The following RORB variants were observed in gnomAD, a reference collection of about 807,000 sequenced individuals.
RORB encodes the protein nuclear receptor ROR-beta.
RORB carries 6 observed loss-of-function variants against 59.1 expected under a neutral mutation model. That is an observed-to-expected ratio of 0.10 (90% CI 0.06 to 0.20). The LOEUF is 0.20. Among genes scored for constraint, RORB ranks in the 10% least tolerant of loss-of-function variants. The probability of loss-of-function intolerance (pLI) is 1.00; values close to 1 mark genes in which losing one functional copy is unlikely to be tolerated. For synonymous variants in RORB, 215 were observed against 204.5 expected, an observed-to-expected ratio of 1.05 and a Z score of -0.44; for missense variants, 320 against 560.5, an observed-to-expected ratio of 0.57 and a Z score of 4.33.
rs1222094002 is a variant in RORB at position 74,573,514 on chromosome 9, T to C, written c.8-56768T>C. 4.0e-5 allele frequency among the ~76,000 whole-genome samples: 6 copies of C among 150,350 alleles called. No individual in the cohort carries two copies. The East Asian group carries it at 9.8e-4, about 24-fold the overall frequency. ...GGCCTAATGATTGCAGCAAACAGCG[T>C]TGGGATTTTATTGATGTACTCTATG... is the stretch of plus-strand genomic sequence containing the variant. On this transcript the variant is annotated intron_variant, in intron 1 of 9. Coordinates refer to ENST00000376896, the MANE Select transcript of RORB (RefSeq NM_006914.4).
At chr9:74,510,868 T>C (rs1293562660) in intron 1 of RORB, among the ~76,000 whole-genome samples, 1 of 152,158 alleles carries the variant, frequency 6.6e-6, no homozygotes, top group Admixed American at 6.5e-5. Context: ...ATGAGTAGCA[T>C]CTTCACCTGT....
chr9:74,652,240 C>T lies in RORB; in HGVS notation c.638-8377C>T, dbSNP rs60978320. ...TGGCCAACATGGTGAAACTTCATCT[C>T]TACTAAAAGATACAAAAATTAGCCA... On this transcript the variant is annotated intron_variant, in intron 4 of 9. Coordinates refer to ENST00000376896, the MANE Select transcript of RORB (RefSeq NM_006914.4). 4.3e-3 allele frequency among the ~76,000 whole-genome samples: 659 copies of T among 152,260 alleles called. 5 individuals carry two copies. Among genetic ancestry groups the T allele is most frequent in the African/African-American group, 0.015 (640 of 41,548 alleles).
In RORB at chr9:74,524,219, G is replaced by A. The variant is rs183204402; in HGVS notation, c.7+26236G>A. On this transcript the variant is annotated intron_variant, in intron 1 of 9. Coordinates refer to ENST00000376896, the MANE Select transcript of RORB (RefSeq NM_006914.4). ...AGACTTAGTTTGTCCTGGATGGCAA[G>A]TGAAGAGAAGACTGTGGAAAGGCTT... 2.5e-3 allele frequency among the ~76,000 whole-genome samples: 386 copies of A among 151,834 alleles called. 2 individuals carry two copies. The highest frequency in any genetic ancestry group is 8.7e-3 in the African/African-American group (359 of 41,468).
At chr9:74,661,613 T>A (rs1485540600) in intron 5 of RORB, among the ~76,000 whole-genome samples, 1 of 151,336 alleles carries the variant, frequency 6.6e-6, no homozygotes, top group Admixed American at 6.6e-5. Flanking sequence ...ATGTAATGCC[T>A]TTTTCCTCGG....
intron 3 of RORB, among the ~76,000 whole-genome samples, chr9:74,635,694 CAT>C (rs1203550982): frequency 6.6e-6 from 1 of 152,146 alleles, no homozygotes; most frequent in Non-Finnish European, 1.5e-5. Flanking sequence ...GAGCCTAAGA[CAT>C]AGACAATGCC....
intron 1 of RORB, among the ~76,000 whole-genome samples, chr9:74,617,656 A>G (rs1823335171): frequency 1.3e-5 from 2 of 152,272 alleles, no homozygotes; most frequent in African/African-American, 4.8e-5. Context: ...TTGGGTGACT[A>G]AGCCTCCACC....
chr9:74,527,142 T>C (rs1826166688), intron 1 of RORB, among the ~76,000 whole-genome samples: 1 of 152,034 alleles, frequency 6.6e-6, no homozygotes, highest in East Asian at 1.9e-4. Context: ...GTTACTATAA[T>C]AGTAATACAT....
intron 1 of RORB, among the ~76,000 whole-genome samples, chr9:74,611,008 G>A (rs981631292): frequency 6.6e-6 from 1 of 150,416 alleles, no homozygotes; most frequent in African/African-American, 2.5e-5. Context: ...TTCTATTTGA[G>A]GGGATTTATC....
At chr9:74,565,344 G>T (rs942203020) in intron 1 of RORB, among the ~76,000 whole-genome samples, 9 of 152,050 alleles carry the variant, frequency 5.9e-5, no homozygotes, top group African/African-American at 1.7e-4. Context: ...TTTCTTCTTT[G>T]GTTTAACATC....
At chr9:74,506,785 C>A (rs1162455363) in intron 1 of RORB, among the ~76,000 whole-genome samples, 3 of 152,040 alleles carry the variant, frequency 2.0e-5, no homozygotes, top group African/African-American at 4.8e-5. Flanking sequence ...AGAGTCATAC[C>A]TTTTAAGTCC....
intron 1 of RORB, among the ~76,000 whole-genome samples, chr9:74,592,887 G>T (rs1456903145): frequency 1.3e-5 from 2 of 151,490 alleles, no homozygotes; most frequent in Non-Finnish European, 2.9e-5. Context: ...GCACACACAC[G>T]CACTATTCAG....
rs757211937 is a variant in RORB, at chr9:74,662,466, T to C, written c.760-8T>C. ...CCCTATTTACATTCTGTGTCTTCTC[T>C]CCTCAAGTCCAGGGAAGCACTGTGG... On this transcript the variant is annotated splice_region_variant and splice_polypyrimidine_tract_variant and intron_variant, in intron 5 of 9. Transcript: ENST00000376896. 2 of 1,613,826 alleles carry C rather than the reference T, an allele frequency of 1.2e-6. No individual in the cohort carries two copies. The highest frequency in any genetic ancestry group is 1.7e-5 in the Admixed American group (1 of 60,024).
chr9:74,685,427 C>G lies in RORB; in HGVS notation c.1225-36C>G, dbSNP rs369657514. ...CACAGACAGAGCACTAATGAGCTTC[C>G]CTCTCTATCTCCCTCTCTGTCTCTC... is the stretch of plus-strand genomic sequence containing the variant. On this transcript the variant is annotated intron_variant, in intron 9 of 9. Transcript: ENST00000376896. 3.0e-4 allele frequency: 465 copies of G among 1,552,756 alleles called. 1 individual carries two copies. Among genetic ancestry groups the G allele is most frequent in the Non-Finnish European group, 3.9e-4 (447 of 1,139,796 alleles).
intron 4 of RORB, among the ~76,000 whole-genome samples, chr9:74,649,564 G>C (rs1358388717): frequency 6.6e-6 from 1 of 152,084 alleles, no homozygotes; most frequent in Non-Finnish European, 1.5e-5. Flanking sequence ...AGGGTTATTT[G>C]AATCCATATC....
intron 1 of RORB, among the ~76,000 whole-genome samples, chr9:74,593,534 A>T (rs1291333907): frequency 5.9e-5 from 9 of 151,918 alleles, no homozygotes; most frequent in African/African-American, 2.2e-4. Context: ...AGCAAAGTTC[A>T]TTCCTAAAGC....
intron 1 of RORB, among the ~76,000 whole-genome samples, chr9:74,565,544 C>A (rs1228961978): frequency 6.6e-6 from 1 of 152,060 alleles, no homozygotes; most frequent in African/African-American, 2.4e-5. Context: ...GTTTTGTTTA[C>A]TTTTAATTTG....
intron 3 of RORB, among the ~76,000 whole-genome samples, chr9:74,637,243 A>G (rs1587398578): frequency 2.6e-5 from 4 of 152,184 alleles, no homozygotes; most frequent in South Asian, 2.1e-4. Context: ...CTCTCTGTCA[A>G]TTAGGCTCCA....
At position 74,642,727 on chromosome 9, in the gene RORB, C is replaced by G. The variant is rs758150843; in HGVS notation, c.549C>G (p.Ile183Met). 1.7e-5 allele frequency: 28 copies of G among 1,614,120 alleles called. No individual in the cohort carries two copies. The South Asian group carries it at 3.0e-4, about 17-fold the overall frequency. ...TGIKQIKQEP[I>M]YDLTSVPNLF... is the part of the protein sequence containing the mutation. ...TCAAACAGATAAAGCAAGAACCTATCTATGACCTCACATCCGTACCCAACT... is the reference window on the plus strand; with the variant it reads ...TCAAACAGATAAAGCAAGAACCTATGTATGACCTCACATCCGTACCCAACT... Residue 183 changes from isoleucine (I) to methionine (M), a missense_variant, in exon 4 of 10, where the codon ATC becomes ATG. Coordinates refer to ENST00000376896, the MANE Select transcript of RORB (RefSeq NM_006914.4).
At chr9:74,671,446 T>A (rs1440484754) in intron 8 of RORB, among the ~76,000 whole-genome samples, 1 of 152,206 alleles carries the variant, frequency 6.6e-6, no homozygotes, top group East Asian at 1.9e-4. Context: ...ATAATTCTTC[T>A]TCACAAATCG....
Sources: allele counts gnomAD v4.1 joint callset (sites outside exome capture counted in the v4.1 genomes callset), GRCh38; gene constraint gnomAD v4.1.1; transcripts MANE v1.5; gene names NCBI Gene and HGNC (gene_info 2026-07-23, HGNC 2026-07-21).